EDARADD: variants seen among roughly 807,000 people sequenced by gnomAD.
The protein encoded by EDARADD is EDAR associated via death domain.
Under a neutral mutation model 25.6 loss-of-function variants are expected in EDARADD, and 20 were observed. The observed-to-expected ratio is 0.78, with a 90% CI of 0.55 to 1.14. EDARADD has a LOEUF of 1.14. EDARADD is among the 50% of genes most tolerant of loss of function. The probability of loss-of-function intolerance (pLI) is 0.00; values close to 1 mark genes in which losing one functional copy is unlikely to be tolerated. For synonymous variants in EDARADD, 86 were observed against 94.4 expected (o/e 0.91, Z 0.52); for missense variants, 225 against 270.1 (o/e 0.83, Z 1.17).
intron 4 of EDARADD, among the ~76,000 whole-genome samples, chr1:236,438,944 AT>A (rs1349783548): frequency 6.0e-4 from 92 of 152,350 alleles, no homozygotes; most frequent in Non-Finnish European, 1.2e-3. Context: ...TGTATCCACC[AT>A]TCTAGTATCT....
chr1:236,416,500 A>C (rs189148837), intron 3 of EDARADD, among the ~76,000 whole-genome samples: 4 of 152,350 alleles, frequency 2.6e-5, no homozygotes, highest in Non-Finnish European at 5.9e-5. Flanking sequence ...CTGATACTAC[A>C]GTAATTGTAT....
chr1:236,367,649 G>A (rs981624057), intron 3 of EDARADD, among the ~76,000 whole-genome samples: 2 of 152,142 alleles, frequency 1.3e-5, no homozygotes, highest in Non-Finnish European at 2.9e-5. Flanking sequence ...ATAGGTGTGA[G>A]TCACCATGCC....
intron 3 of EDARADD, among the ~76,000 whole-genome samples, chr1:236,374,663 C>A (rs1435594612): frequency 6.6e-6 from 1 of 152,092 alleles, no homozygotes; most frequent in East Asian, 1.9e-4. Context: ...TAATACCCCT[C>A]TTTAGCTCTG....
chr1:236,420,702 C>T (rs753811434), intron 3 of EDARADD, among the ~76,000 whole-genome samples: 10 of 152,146 alleles, frequency 6.6e-5, no homozygotes, highest in South Asian at 2.1e-4. Flanking sequence ...AAATGACAGA[C>T]GAATGAACAC....
chr1:236,439,215 T>C (rs530113677), intron 4 of EDARADD, among the ~76,000 whole-genome samples: 1 of 152,366 alleles, frequency 6.6e-6, no homozygotes, highest in South Asian at 2.1e-4. Flanking sequence ...AATATTCCAC[T>C]GTCTGTATGT....
At chr1:236,375,463 C>T (rs1305711481) in intron 3 of EDARADD, among the ~76,000 whole-genome samples, 1 of 151,974 alleles carries the variant, frequency 6.6e-6, no homozygotes, top group Admixed American at 6.6e-5. Context: ...TGAGACCAGC[C>T]TGGCCAACAT....
intron 4 of EDARADD, among the ~76,000 whole-genome samples, chr1:236,446,139 T>A (rs1658531345): frequency 6.6e-6 from 1 of 152,206 alleles, no homozygotes; most frequent in African/African-American, 2.4e-5. Context: ...CTACTGCCAT[T>A]TTTTAAACAA....
At chr1:236,425,261 T>C (rs987163326) in intron 3 of EDARADD, among the ~76,000 whole-genome samples, 1 of 152,232 alleles carries the variant, frequency 6.6e-6, no homozygotes, top group Non-Finnish European at 1.5e-5. Flanking sequence ...AAATGCTTTT[T>C]CCCGTTTTCT....
At position 236,388,146 on chromosome 1, in the gene EDARADD, G is replaced by GTA. The variant is rs1667378665; in HGVS notation, c.-5-21068_-5-21067dup. On this transcript the variant is annotated intron_variant, in intron 3 of 7. Transcript: ENST00000439430. ...ATTGTGTATGTGTGTGTGTGTGTGT[G>GTA]TATCCTCCCAACACCATTTGAACTG... Among the ~76,000 whole-genome samples the GTA allele has an allele frequency of 1.3e-5, 2 of 151,966 alleles. 1 individual carries two copies. The highest frequency in any genetic ancestry group is 1.3e-4 in the Admixed American group (2 of 15,246).
intron 3 of EDARADD, among the ~76,000 whole-genome samples, chr1:236,373,577 T>C (rs1448223824): frequency 2.6e-5 from 4 of 152,222 alleles, no homozygotes; most frequent in Non-Finnish European, 4.4e-5. Context: ...TAGACACTTA[T>C]TGATTTTACT....
chr1:236,422,808 G>A lies in EDARADD; in HGVS notation c.161-4584G>A, dbSNP rs1038730850. ...GCAGATGGAACATGCCAGAGTGCCC[G>A]GGTTTAGCTCCATCCTGTATCAAGG... On this transcript the variant is annotated intron_variant, in intron 3 of 5. Transcript: ENST00000334232. 1.1e-4 allele frequency among the ~76,000 whole-genome samples: 16 copies of A among 152,156 alleles called. No homozygotes were observed. The South Asian group carries it at 2.9e-3, about 28-fold the overall frequency.
intron 4 of EDARADD, among the ~76,000 whole-genome samples, chr1:236,458,922 G>A (rs1275689634): frequency 5.3e-5 from 8 of 152,006 alleles, no homozygotes; most frequent in African/African-American, 9.7e-5. Flanking sequence ...GATTACAGCC[G>A]TGAGCCACCG....
At chr1:236,392,527 C>T (rs1195585488), upstream of EDARADD, among the ~76,000 whole-genome samples, 2 of 150,880 alleles carry the variant, frequency 1.3e-5, no homozygotes, top group Non-Finnish European at 2.9e-5. Flanking sequence ...TGCTCTATCA[C>T]CCAGGCTGGA....
At chr1:236,428,036 G>A (rs1657974400) in intron 4 of EDARADD, among the ~76,000 whole-genome samples, 1 of 151,702 alleles carries the variant, frequency 6.6e-6, no homozygotes, top group Admixed American at 6.6e-5. Context: ...ATTTGGCAGG[G>A]TCATAGGACA....
At chr1:236,414,734 G>A (rs1250817954) in intron 3 of EDARADD, among the ~76,000 whole-genome samples, 2 of 152,130 alleles carry the variant, frequency 1.3e-5, no homozygotes, top group Non-Finnish European at 1.5e-5. Context: ...TGGTGTGGGC[G>A]TGGTGGCAGG....
intron 3 of EDARADD, among the ~76,000 whole-genome samples, chr1:236,379,472 A>G (rs1383130938): frequency 6.6e-6 from 1 of 151,906 alleles, no homozygotes; most frequent in African/African-American, 2.4e-5. Flanking sequence ...TACCGGTGAT[A>G]GGCAGTTCTA....
chr1:236,467,558 C>T (rs1213161368), intron 4 of EDARADD, among the ~76,000 whole-genome samples: 3 of 151,954 alleles, frequency 2.0e-5, no homozygotes, highest in Non-Finnish European at 4.4e-5. Context: ...AGCATGATTG[C>T]CTCTCAAGAG....
intron 4 of EDARADD, among the ~76,000 whole-genome samples, chr1:236,442,320 C>T (rs1362431295): frequency 4.6e-5 from 7 of 151,970 alleles, no homozygotes; most frequent in Admixed American, 4.6e-4. Flanking sequence ...GAGACAGGGT[C>T]TCACCATGTT....
At chr1:236,408,442 G>T (rs1667775740) in intron 1 of EDARADD, among the ~76,000 whole-genome samples, 1 of 152,168 alleles carries the variant, frequency 6.6e-6, no homozygotes, top group Admixed American at 6.5e-5. Flanking sequence ...GACCTCAGGT[G>T]ATCTGCCCGG....
Sources: allele counts gnomAD v4.1 joint callset (sites outside exome capture counted in the v4.1 genomes callset), GRCh38; gene constraint gnomAD v4.1.1; transcripts MANE v1.5; gene names NCBI Gene and HGNC (gene_info 2026-07-23, HGNC 2026-07-21).